Variants in LRRC9 observed in about 807,000 individuals in gnomAD.
LRRC9 encodes the protein leucine-rich repeat-containing protein 9.
Under a neutral mutation model 63.2 loss-of-function variants are expected in LRRC9, and 122 were observed. The observed-to-expected ratio is 1.93, with a 90% CI of 1.67 to 2.24. The LOEUF is 2.24. Ranked by LOEUF, LRRC9 falls within the 30% of genes most tolerant of loss-of-function variation. The pLI is 0.00. For missense variants in LRRC9, 1,071 were observed against 627.7 expected (o/e 1.71, Z -7.55); for synonymous variants, 366 against 213.1 (o/e 1.72, Z -6.25).
chr14:60,046,398 G>T (rs1455647978), intron 29 of LRRC9, among the ~76,000 whole-genome samples: 3 of 152,152 alleles, frequency 2.0e-5, no homozygotes, highest in African/African-American at 7.2e-5. Context: ...GGTTTTTATA[G>T]TTTTGGATTT....
At chr14:60,064,544 T>C (rs181682559), downstream of LRRC9, among the ~76,000 whole-genome samples, 8 of 152,360 alleles carry the variant, frequency 5.3e-5, no homozygotes, top group South Asian at 2.1e-4. Flanking sequence ...GTCTTTACTT[T>C]AATCATGTAA....
chr14:59,947,725 T>C (rs1348471822), intron 8 of LRRC9, among the ~76,000 whole-genome samples: 2 of 140,470 alleles, frequency 1.4e-5, no homozygotes, highest in African/African-American at 2.7e-5. Context: ...TTTCTACATA[T>C]GGCTAGCCAG....
chr14:59,997,518 T>C (rs1485308274), intron 17 of LRRC9, 138 bp from the exon 18 acceptor site: 1 of 501,890 alleles, frequency 2.0e-6, no homozygotes, highest in East Asian at 3.1e-5. Flanking sequence ...GATACCATCA[T>C]TGCAACATAA....
At chr14:60,025,300 A>C (rs1258052296) in intron 27 of LRRC9, among the ~76,000 whole-genome samples, 1 of 151,158 alleles carries the variant, frequency 6.6e-6, no homozygotes, top group Non-Finnish European at 1.5e-5. Context: ...AGGGGTCTCA[A>C]TTTGTTACCC....
intron 23 of LRRC9, among the ~76,000 whole-genome samples, chr14:60,015,774 T>C (rs1307545228): frequency 6.6e-6 from 1 of 152,070 alleles, no homozygotes; most frequent in Non-Finnish European, 1.5e-5. Flanking sequence ...AGTGGGGACA[T>C]GTGTTACTGC....
chr14:60,063,187 T>G, intron 31 of LRRC9, 136 bp from the exon 33 acceptor site: 1 of 593,912 alleles, frequency 1.7e-6, no homozygotes, highest in Non-Finnish European at 3.0e-6. Flanking sequence ...GAGCCACCAA[T>G]GGGATAATTT....
At chr14:59,979,061 CTG>C (rs1391405810) in intron 15 of LRRC9, among the ~76,000 whole-genome samples, 1 of 152,112 alleles carries the variant, frequency 6.6e-6, no homozygotes, top group East Asian at 1.9e-4. Context: ...CTATTAAACT[CTG>C]TCTTTCTTGT....
At chr14:59,995,731 T>TA (rs955201497) in intron 17 of LRRC9, among the ~76,000 whole-genome samples, 44 of 151,270 alleles carry the variant, frequency 2.9e-4, no homozygotes, top group African/African-American at 1.0e-3. Context: ...ACAGGTTTTT[T>TA]TTTTGTTATA....
chr14:60,028,018 G>A lies in LRRC9; in HGVS notation c.3838G>A (p.Glu1280Lys), dbSNP rs1472847780. Residue 1280 changes from glutamate (E) to lysine (K), a missense_variant, in exon 28 of 32, where the codon GAG (glutamate) becomes AAG (lysine). By Grantham distance (56) the Glu-to-Lys change is moderately conservative (BLOSUM62 1). Transcript: ENST00000445360. ...AAGTTCTTTATTGGCACTTCACTTG[G>A]AGGAAAACAGACTACGAGAACTGGG... 8.6e-6 allele frequency: 6 copies of A among 701,610 alleles called. No individual in the cohort carries two copies. The African/African-American group carries it at 1.1e-4, about 12-fold the overall frequency. 43.5% of individuals were successfully genotyped at this position (701,610 alleles called of 1,614,324 possible).
intron 16 of LRRC9, among the ~76,000 whole-genome samples, chr14:59,984,474 G>T (rs1887250531): frequency 1.3e-5 from 2 of 152,156 alleles, no homozygotes; most frequent in South Asian, 4.1e-4. Context: ...ATGGTATAAA[G>T]ACAGAAAAAC....
chr14:59,990,954 A>G lies in LRRC9; in HGVS notation c.2211+5730A>G, dbSNP rs1888025813. Among the ~76,000 whole-genome samples, 1 of 152,206 alleles carries G rather than the reference A, an allele frequency of 6.6e-6. No individual in the cohort carries two copies. The highest frequency in any genetic ancestry group is 6.5e-5 in the Admixed American group (1 of 15,280). ...TCTCTACCAACTTCTTTTGGAGCCT[A>G]TAGAGCAACCTTGTCATGTAGTTTT... On this transcript the variant is annotated intron_variant, in intron 17 of 31. Transcript: ENST00000445360. The surrounding 1 kb of genome is among the most constrained non-coding windows in gnomAD (Gnocchi z 4.2).
chr14:60,052,023 T>C (rs1238553603), intron 29 of LRRC9, among the ~76,000 whole-genome samples: 1 of 152,192 alleles, frequency 6.6e-6, no homozygotes, highest in Admixed American at 6.5e-5. Context: ...TCAGTCCCAA[T>C]GTGAGAACCT....
chr14:60,043,095 T>C lies in LRRC9; in HGVS notation c.3991-9970T>C, dbSNP rs573394741. 4.6e-5 allele frequency among the ~76,000 whole-genome samples: 7 copies of C among 152,340 alleles called. No individual in the cohort carries two copies. The East Asian group carries it at 1.3e-3, about 29-fold the overall frequency. On this transcript the variant is annotated intron_variant, in intron 29 of 31. Transcript: ENST00000445360. ...TGCCTTCTTGATTTCTTTTTCAAAT[T>C]GTTTGCTGTTGACATATATAAATGC...
At chr14:59,960,796 T>C (rs1884272420) in intron 9 of LRRC9, 118 bp from the exon 10 acceptor site, 1 of 484,402 alleles carries the variant, frequency 2.1e-6, no homozygotes, top group African/African-American at 2.0e-5. Context: ...CCAAGCTTTC[T>C]TTATCCATTG....
intron 29 of LRRC9, among the ~76,000 whole-genome samples, chr14:60,037,047 A>C (rs577503414): frequency 6.6e-6 from 1 of 152,274 alleles, no homozygotes; most frequent in African/African-American, 2.4e-5. Context: ...TAGTTTGCTC[A>C]GAATGATGGT....
intron 29 of LRRC9, 133 bp downstream of exon 29, chr14:60,032,196 T>A: frequency 1.8e-6 from 1 of 561,828 alleles, no homozygotes; most frequent in Non-Finnish European, 3.1e-6. Flanking sequence ...CCCAAATTTA[T>A]TGACTTCTTC....
At chr14:60,026,436 G>A (rs1267821294) in intron 27 of LRRC9, among the ~76,000 whole-genome samples, 1 of 151,900 alleles carries the variant, frequency 6.6e-6, no homozygotes, top group African/African-American at 2.4e-5. Flanking sequence ...CCTTTTTCCT[G>A]TTGAGTTGTT....
At chr14:59,954,512 T>C (rs1883521164) in intron 8 of LRRC9, among the ~76,000 whole-genome samples, 2 of 152,222 alleles carry the variant, frequency 1.3e-5, no homozygotes, top group Admixed American at 6.5e-5. Flanking sequence ...ATTGATTTTA[T>C]ATCCTGAGAC....
intron 29 of LRRC9, among the ~76,000 whole-genome samples, chr14:60,052,063 C>T (rs1348300526): frequency 2.0e-5 from 3 of 152,212 alleles, no homozygotes; most frequent in Admixed American, 2.0e-4. Flanking sequence ...GCTGAGTTCA[C>T]TCACTGCTTT....
Sources: gnomAD v4.1 joint callset for allele counts (sites outside exome capture counted in the v4.1 genomes callset) on GRCh38, gnomAD v4.1.1 for gene constraint, Gnocchi (gnomAD v3.1) non-coding constraint, MANE v1.5 for transcripts, NCBI Gene and HGNC (gene_info 2026-07-23, HGNC 2026-07-21) for gene names.